The following C1QTNF2 variants were observed in gnomAD, a reference collection of about 807,000 sequenced individuals.
C1QTNF2 encodes the protein complement C1q tumor necrosis factor-related protein 2.
In C1QTNF2, 15 loss-of-function variants were observed where a neutral mutation model predicts 17.4. The ratio of observed to expected loss-of-function variants is 0.86; its 90% CI spans 0.58 to 1.33. C1QTNF2 has a LOEUF of 1.33. Ranked by LOEUF, C1QTNF2 falls within the 40% of genes most tolerant of loss-of-function variation. The pLI is 0.00. For synonymous variants in C1QTNF2, 154 were observed against 163.3 expected (o/e 0.94, Z 0.44); for missense variants, 381 against 392.3 (o/e 0.97, Z 0.24).
intron 1 of C1QTNF2, among the ~76,000 whole-genome samples, chr5:160,368,305 G>A (rs532636298): frequency 6.6e-6 from 1 of 152,218 alleles, no homozygotes; most frequent in Admixed American, 6.5e-5. Context: ...AGGCCGAGGC[G>A]GGCGGATCAC....
intron 1 of C1QTNF2, among the ~76,000 whole-genome samples, chr5:160,358,589 G>A (rs1233366284): frequency 6.6e-6 from 1 of 150,900 alleles, no homozygotes; most frequent in East Asian, 2.0e-4. Context: ...TCAGCCTTCT[G>A]TCCCAAGTAG....
chr5:160,361,979 C>T (rs1764161817), intron 1 of C1QTNF2, among the ~76,000 whole-genome samples: 1 of 152,240 alleles, frequency 6.6e-6, no homozygotes, highest in Non-Finnish European at 1.5e-5. Flanking sequence ...CGTATGGGCC[C>T]TGCATGTTGC....
At chr5:160,356,750 T>G (rs1036568274) in intron 1 of C1QTNF2, among the ~76,000 whole-genome samples, 2 of 152,212 alleles carry the variant, frequency 1.3e-5, no homozygotes, top group African/African-American at 4.8e-5. Context: ...CCTTTGGAAC[T>G]CATTTTTCCT....
intron 1 of C1QTNF2, among the ~76,000 whole-genome samples, chr5:160,360,309 T>C (rs1190610142): frequency 1.3e-5 from 2 of 152,178 alleles, no homozygotes; most frequent in Non-Finnish European, 2.9e-5. Flanking sequence ...TCAAGAAATA[T>C]TTGCTTAATT....
chr5:160,365,000 G>A (rs1370608927), intron 1 of C1QTNF2, among the ~76,000 whole-genome samples: 1 of 152,182 alleles, frequency 6.6e-6, no homozygotes, highest in East Asian at 1.9e-4. Flanking sequence ...GGAATTAGAG[G>A]TGAAAAGATG....
intron 1 of C1QTNF2, among the ~76,000 whole-genome samples, 187 bp downstream of exon 1, chr5:160,370,325 T>C (rs1376518631): frequency 6.6e-6 from 1 of 152,192 alleles, no homozygotes; most frequent in Admixed American, 6.5e-5. Context: ...ACATGTTAAT[T>C]TGTATTATAA....
intron 1 of C1QTNF2, among the ~76,000 whole-genome samples, chr5:160,359,031 C>T (rs1581037064): frequency 6.6e-6 from 1 of 152,180 alleles, no homozygotes. Flanking sequence ...CCGTTTCAGC[C>T]TCCCAAAGTG....
intron 1 of C1QTNF2, among the ~76,000 whole-genome samples, chr5:160,359,085 G>T (rs761738484): frequency 6.6e-6 from 1 of 152,014 alleles, no homozygotes; most frequent in Non-Finnish European, 1.5e-5. Flanking sequence ...CTGCTGCATT[G>T]TTTTATACAA....
At position 160,348,502 on chromosome 5, in the gene C1QTNF2, C is replaced by T. The variant is rs1397571779; in HGVS notation, c.*666G>A. 1 of 152,190 alleles carries T rather than the reference C, an allele frequency of 6.6e-6. No homozygotes were observed. Among genetic ancestry groups the T allele is most frequent in the Non-Finnish European group, 1.5e-5 (1 of 68,056 alleles). The allele number at this position is 152,190 out of a possible 1,614,324, so 9.4% of individuals were successfully genotyped here. On this transcript the variant is annotated 3_prime_UTR_variant, in exon 3 of 3. Transcript: ENST00000652664. Reference sequence around the variant, plus strand: ...TTTTGCTGGAGACCTCTTTTCGAGGCCTTTGTGTTGCTCTATTTCCTTCTT... The same window carrying T: ...TTTTGCTGGAGACCTCTTTTCGAGGTCTTTGTGTTGCTCTATTTCCTTCTT...
At chr5:160,352,357 T>C (rs1763941169) in intron 2 of C1QTNF2, among the ~76,000 whole-genome samples, 1 of 152,202 alleles carries the variant, frequency 6.6e-6, no homozygotes, top group South Asian at 2.1e-4. Flanking sequence ...CTTGAAAGAC[T>C]TTTCTGGAGG....
chr5:160,369,657 A>C (rs1298698255), intron 1 of C1QTNF2, among the ~76,000 whole-genome samples: 1 of 152,172 alleles, frequency 6.6e-6, no homozygotes, highest in African/African-American at 2.4e-5. Context: ...CAGTCTAAGG[A>C]AGGGACCTCT....
chr5:160,369,223 A>G (rs1764303302), intron 1 of C1QTNF2, among the ~76,000 whole-genome samples: 2 of 152,108 alleles, frequency 1.3e-5, no homozygotes, highest in African/African-American at 4.8e-5. Context: ...AACTGTTCGA[A>G]TTTCTTGTGA....
At position 160,354,876 on chromosome 5, in the gene C1QTNF2, C is replaced by A. The variant is rs756818049; in HGVS notation, c.136G>T (p.Gly46Cys). 4.4e-6 allele frequency: 7 copies of A among 1,607,158 alleles called. No homozygotes were observed. In the African/African-American group the frequency reaches 5.3e-5, roughly 12 times the overall value. The change falls in exon 2 of 3, where the codon GGC (glycine) becomes TGC (cysteine). Residue 46 changes from glycine to cysteine, a missense_variant. Physicochemically the swap from Gly to Cys is radical, Grantham distance 159. Coordinates refer to ENST00000652664, the MANE Select transcript of C1QTNF2 (RefSeq NM_031908.6). Reference sequence around the variant, plus strand: ...GAGGGCCCTGGGGCTCCTGGGGGGCCGGGTGGGCCCTGGGGGCCAGGCAGG... The same window carrying A: ...GAGGGCCCTGGGGCTCCTGGGGGGCAGGGTGGGCCCTGGGGGCCAGGCAGG... ...CSLPGPQGPP[G>C]PPGAPGPSGM...
chr5:160,352,993 C>T (rs563668227), intron 2 of C1QTNF2, among the ~76,000 whole-genome samples: 17 of 152,202 alleles, frequency 1.1e-4, no homozygotes, highest in African/African-American at 3.4e-4. Flanking sequence ...CTATTATTAT[C>T]CATATTTTAG....
intron 2 of C1QTNF2, among the ~76,000 whole-genome samples, chr5:160,351,956 G>C (rs1174383665): frequency 6.6e-6 from 1 of 151,298 alleles, no homozygotes; most frequent in Non-Finnish European, 1.5e-5. Flanking sequence ...TGTTACGCAG[G>C]CTGGAGTGCA....
intron 2 of C1QTNF2, among the ~76,000 whole-genome samples, chr5:160,351,146 CAATT>C (rs1763912368): frequency 1.3e-5 from 2 of 152,226 alleles, no homozygotes; most frequent in South Asian, 4.1e-4. Flanking sequence ...CCCTGCAGAA[CAATT>C]CCCCCAGTTG....
intron 1 of C1QTNF2, chr5:160,355,276 C>A: frequency 5.1e-6 from 5 of 983,838 alleles, no homozygotes; most frequent in Non-Finnish European, 6.0e-6. Context: ...CATCATCAGA[C>A]CATCATCTTC....
At chr5:160,364,332 T>C (rs1055111083) in intron 1 of C1QTNF2, among the ~76,000 whole-genome samples, 28 of 152,250 alleles carry the variant, frequency 1.8e-4, no homozygotes, top group African/African-American at 6.7e-4. Context: ...TTACTTAATC[T>C]CTCCCCTTCA....
intron 1 of C1QTNF2, among the ~76,000 whole-genome samples, chr5:160,367,830 C>T (rs771022944): frequency 2.1e-4 from 32 of 152,212 alleles, no homozygotes; most frequent in Non-Finnish European, 3.8e-4. Flanking sequence ...CTGTCAGTAT[C>T]TGGGTTTGCA....
Sources: gnomAD v4.1 joint callset for allele counts (sites outside exome capture counted in the v4.1 genomes callset) on GRCh38, gnomAD v4.1.1 for gene constraint, MANE v1.5 for transcripts, NCBI Gene and HGNC (gene_info 2026-07-23, HGNC 2026-07-21) for gene names.